The following VDAC1 variants were observed in gnomAD, a reference collection of about 807,000 sequenced individuals.
The protein encoded by VDAC1 is non-selective voltage-gated ion channel VDAC1.
A neutral mutation model predicts 34.7 loss-of-function variants in VDAC1; 10 were observed. That is an observed-to-expected ratio of 0.29 (90% CI 0.18 to 0.49). VDAC1 has a LOEUF of 0.49. Among genes scored for constraint, VDAC1 ranks in the 20% least tolerant of loss-of-function variants. The pLI is 0.99. For missense variants in VDAC1, 230 were observed against 347.9 expected, an observed-to-expected ratio of 0.66 and a Z score of 2.69; for synonymous variants, 130 against 136.0, an observed-to-expected ratio of 0.96 and a Z score of 0.30.
chr5:134,073,967 T>C, the VDAC1 span, among the ~76,000 whole-genome samples: 1 of 152,318 alleles, frequency 6.6e-6, no homozygotes, highest in East Asian at 1.9e-4. Flanking sequence ...AAAAATGTTA[T>C]GTTTTTTCCC....
chr5:134,000,634 T>C (rs1753512840), intron 1 of VDAC1, among the ~76,000 whole-genome samples: 1 of 152,130 alleles, frequency 6.6e-6, no homozygotes, highest in Non-Finnish European at 1.5e-5. Flanking sequence ...ACCCCACCAC[T>C]TTCTAGGTAT....
rs1366144595 is a variant in VDAC1, at chr5:133,972,359, T to C, written c.*412A>G. Reference sequence around the variant, plus strand: ...TCTGTCTAAAAAAGTCCCATTCAGGTGAGTTTGTACACACCATCAAGCAGC... The same window carrying C: ...TCTGTCTAAAAAAGTCCCATTCAGGCGAGTTTGTACACACCATCAAGCAGC... On this transcript the variant is annotated 3_prime_UTR_variant, in exon 9 of 9. Transcript: ENST00000265333. 1.7e-5 allele frequency: 6 copies of C among 363,048 alleles called. No individual in the cohort carries two copies. The allele number at this position is 363,048 out of a possible 1,614,324, so 22.5% of individuals were successfully genotyped here.
At chr5:134,037,293 G>A in the VDAC1 span, among the ~76,000 whole-genome samples, 2 of 152,188 alleles carry the variant, frequency 1.3e-5, no homozygotes, top group Non-Finnish European at 2.9e-5. Context: ...AGGGAACTGA[G>A]GACTGAACTC....
the VDAC1 span, among the ~76,000 whole-genome samples, chr5:134,076,659 C>T: frequency 6.6e-6 from 1 of 152,170 alleles, no homozygotes; most frequent in Non-Finnish European, 1.5e-5. Context: ...ACCATACAGC[C>T]TTCAAAGGGC....
At chr5:134,107,180 G>C in the VDAC1 span, among the ~76,000 whole-genome samples, 3 of 152,180 alleles carry the variant, frequency 2.0e-5, no homozygotes, top group African/African-American at 7.2e-5. Context: ...AGGCTCAACC[G>C]GGCCAAGTGA....
the VDAC1 span, among the ~76,000 whole-genome samples, chr5:134,100,454 C>T: frequency 2.6e-5 from 4 of 152,330 alleles, no homozygotes; most frequent in South Asian, 4.1e-4. Flanking sequence ...TTCCCACAAC[C>T]GCGGCACCCC....
chr5:134,072,857 C>T, the VDAC1 span, among the ~76,000 whole-genome samples: 1 of 152,294 alleles, frequency 6.6e-6, no homozygotes, highest in South Asian at 2.1e-4. Flanking sequence ...TTTAGAAGAC[C>T]TTCTCTGGGG....
the VDAC1 span, among the ~76,000 whole-genome samples, chr5:134,068,884 A>G: frequency 6.7e-6 from 1 of 150,324 alleles, no homozygotes; most frequent in Non-Finnish European, 1.5e-5. Flanking sequence ...ATTTCTTTTC[A>G]GTGTTTTAAA....
the VDAC1 span, among the ~76,000 whole-genome samples, chr5:134,103,583 G>A: frequency 0.033 from 5,026 of 152,266 alleles, 129 homozygotes; most frequent in Middle Eastern, 0.082. Context: ...GACTTTCTGT[G>A]GGCACAAAGG....
chr5:134,093,650 G>A, the VDAC1 span, among the ~76,000 whole-genome samples: 2 of 152,206 alleles, frequency 1.3e-5, no homozygotes, highest in African/African-American at 2.4e-5. Flanking sequence ...TCAAGAGCGT[G>A]AGCCGGCAGA....
At chr5:134,113,615 T>C in the VDAC1 span, among the ~76,000 whole-genome samples, 1 of 152,230 alleles carries the variant, frequency 6.6e-6, no homozygotes, top group Non-Finnish European at 1.5e-5. Flanking sequence ...CTAGGGGAGC[T>C]GCTGTTGACT....
the VDAC1 span, among the ~76,000 whole-genome samples, chr5:134,094,083 G>A: frequency 3.9e-5 from 6 of 152,208 alleles, no homozygotes; most frequent in Non-Finnish European, 8.8e-5. Flanking sequence ...GCGGTGAAGT[G>A]GGGGGCGGTG....
the VDAC1 span, among the ~76,000 whole-genome samples, chr5:134,019,501 G>A: frequency 1.3e-5 from 2 of 152,258 alleles, no homozygotes; most frequent in East Asian, 1.9e-4. Flanking sequence ...GATTACTTAA[G>A]CCCAGGAGAT....
chr5:134,094,341 GCGGAACGACGACAGAGTTTC>G, the VDAC1 span, among the ~76,000 whole-genome samples: 2 of 152,206 alleles, frequency 1.3e-5, no homozygotes, highest in Non-Finnish European at 2.9e-5. Context: ...AGCCCAGGTA[GCGGAACGACGACAGAGTTTC>G]TTCCATATCA....
chr5:134,021,863 G>A, the VDAC1 span, among the ~76,000 whole-genome samples: 1 of 150,262 alleles, frequency 6.7e-6, no homozygotes, highest in Non-Finnish European at 1.5e-5. Context: ...AGTAGGCTCA[G>A]AGAAAGCCTG....
At chr5:134,109,831 C>A in the VDAC1 span, among the ~76,000 whole-genome samples, 1 of 151,246 alleles carries the variant, frequency 6.6e-6, no homozygotes, top group Admixed American at 6.6e-5. Flanking sequence ...TGAATTTGGG[C>A]CCAAAGAAGG....
chr5:134,013,888 G>C, the VDAC1 span, among the ~76,000 whole-genome samples: 26 of 152,150 alleles, frequency 1.7e-4, 1 homozygote, highest in South Asian at 5.4e-3. Flanking sequence ...GTTGCAGTGA[G>C]CTGAGATCGT....
chr5:134,043,521 C>CTTTTCTT, the VDAC1 span, among the ~76,000 whole-genome samples: 9 of 148,778 alleles, frequency 6.0e-5, no homozygotes, highest in Non-Finnish European at 1.3e-4. Context: ...GCTGGGTAGA[C>CTTTTCTT]TTTTCTTTTT....
the VDAC1 span, among the ~76,000 whole-genome samples, chr5:134,050,031 A>G: frequency 9.1e-4 from 138 of 152,254 alleles, no homozygotes; most frequent in African/African-American, 3.2e-3. Context: ...ACGGCGGATC[A>G]TGAGGTCAAG....
Sources: gnomAD v4.1 joint callset for allele counts (sites outside exome capture counted in the v4.1 genomes callset) on GRCh38, gnomAD v4.1.1 for gene constraint, MANE v1.5 for transcripts, NCBI Gene and HGNC (gene_info 2026-07-23, HGNC 2026-07-21) for gene names.